Variants in MTREX observed in about 807,000 individuals in gnomAD.
MTREX encodes Mtr4 exosome RNA helicase.
MTREX carries 76 observed loss-of-function variants against 135.4 expected under a neutral mutation model. The observed-to-expected ratio is 0.56, with a 90% CI of 0.47 to 0.68. MTREX has a LOEUF of 0.68. MTREX is among the 30% of genes least tolerant of loss of function. The pLI, the probability that MTREX is intolerant of heterozygous loss-of-function variation, is 0.00. For synonymous variants in MTREX, 404 were observed against 401.6 expected, an observed-to-expected ratio of 1.01 and a Z score of -0.07; for missense variants, 920 against 1,262.1, an observed-to-expected ratio of 0.73 and a Z score of 4.11.
chr5:55,308,139 C>T lies in MTREX; in HGVS notation c.126C>T (p.Asp42=), dbSNP rs761591150. The change falls in exon 1 of 27, where the codon GAC becomes GAT. Residue 42 remains aspartate (D), a synonymous_variant. Transcript: ENST00000230640. Reference sequence around the variant, plus strand: ...GGAAGGGGCCTCCAGGGTCTGCAGACAAGGCAGGGTAAGGAAGAAGTTCCA... The same window carrying T: ...GGAAGGGGCCTCCAGGGTCTGCAGATAAGGCAGGGTAAGGAAGAAGTTCCA... ...GKWKGPPGSA[D]KAGKRFDGKL... 15 of 1,599,472 alleles carry T rather than the reference C, an allele frequency of 9.4e-6. No homozygotes were observed. In the Admixed American group the frequency reaches 2.5e-4, roughly 26 times the overall value.
intron 14 of MTREX, among the ~76,000 whole-genome samples, chr5:55,356,032 T>C (rs1749906780): frequency 6.6e-6 from 1 of 152,218 alleles, no homozygotes; most frequent in Admixed American, 6.5e-5. Flanking sequence ...ACCAGAGCAG[T>C]TTCCCACCAA....
chr5:55,412,410 A>C (rs1750896643), intron 23 of MTREX, among the ~76,000 whole-genome samples: 1 of 152,228 alleles, frequency 6.6e-6, no homozygotes, highest in Non-Finnish European at 1.5e-5. Flanking sequence ...TTTATTAAGC[A>C]CCCAATGTGG....
intron 16 of MTREX, among the ~76,000 whole-genome samples, chr5:55,373,787 G>A (rs1483089990): frequency 6.6e-6 from 1 of 151,812 alleles, no homozygotes; most frequent in Non-Finnish European, 1.5e-5. Context: ...AGGGGTGGGG[G>A]CAGTCTTGGG....
Position 55,344,610 on chromosome 5 carries a change from T to C in MTREX, c.995T>C (p.Val332Ala). Residue 332 changes from valine (V) to alanine (A), a missense_variant, in exon 9 of 27, where the codon GTT becomes GCT. Val to Ala is a moderately conservative substitution (Grantham distance 64). Transcript: ENST00000230640. The part of the protein sequence containing the change: ...PAGGDGLHLV[V>A]DENGDFREDN... ...GGGGGAGATGGCCTGCATCTTGTGG[T>C]TGATGAAAATGTAAGAGAGTAATTG... is the stretch of plus-strand genomic sequence containing the variant. 6.3e-7 allele frequency: 1 copy of C among 1,591,452 alleles called. No individual in the cohort carries two copies. The highest frequency in any genetic ancestry group is 8.6e-7 in the Non-Finnish European group (1 of 1,161,090).
chr5:55,424,509 A>C (rs1751116050), intron 26 of MTREX: 2 of 489,044 alleles, frequency 4.1e-6, no homozygotes, highest in Non-Finnish European at 7.5e-6. Context: ...GGAGTATTTC[A>C]GAGTCAAAAG....
At chr5:55,372,892 ATGTGTGTG>A (rs59026723) in intron 16 of MTREX, among the ~76,000 whole-genome samples, 2,781 of 120,966 alleles carry the variant, frequency 0.023, 56 homozygotes, top group African/African-American at 0.059. Flanking sequence ...TAAAACTGTA[ATGTGTGTG>A]TGTGTGTGTG....
chr5:55,351,946 C>G (rs1749835292), intron 13 of MTREX, among the ~76,000 whole-genome samples: 1 of 151,978 alleles, frequency 6.6e-6, no homozygotes, highest in Admixed American at 6.6e-5. Flanking sequence ...CTCAGCCTCC[C>G]AAGTAGCTGG....
At chr5:55,423,730 TG>T in intron 26 of MTREX, 1 of 151,912 alleles carries the variant, frequency 6.6e-6, no homozygotes. Context: ...GGAGTGGTGG[TG>T]GGGGGGCAAG....
At chr5:55,311,726 T>C (rs549509236) in intron 1 of MTREX, among the ~76,000 whole-genome samples, 1 of 152,334 alleles carries the variant, frequency 6.6e-6, no homozygotes, top group South Asian at 2.1e-4. Flanking sequence ...CACACCAGAA[T>C]TGGAAACGTT....
chr5:55,387,436 G>GA (rs1750496817), intron 18 of MTREX, among the ~76,000 whole-genome samples: 1 of 151,952 alleles, frequency 6.6e-6, no homozygotes, highest in African/African-American at 2.4e-5. Context: ...ATTCTGTACT[G>GA]AAAAAATATC....
intron 26 of MTREX, chr5:55,424,392 G>A (rs141780493): frequency 1.6e-3 from 272 of 171,026 alleles, no homozygotes; most frequent in African/African-American, 6.2e-3. Flanking sequence ...TGATCCGCTC[G>A]CCTTGGCCTC....
intron 22 of MTREX, among the ~76,000 whole-genome samples, chr5:55,406,274 C>G (rs1750803756): frequency 6.6e-6 from 1 of 152,118 alleles, no homozygotes; most frequent in African/African-American, 2.4e-5. Flanking sequence ...GCTCTGTCCC[C>G]CAGGATTGCC....
intron 1 of MTREX, among the ~76,000 whole-genome samples, chr5:55,320,137 C>G (rs1749263704): frequency 6.6e-6 from 1 of 151,746 alleles, no homozygotes; most frequent in South Asian, 2.1e-4. Context: ...TTAGGTTTTG[C>G]TAGGTATCAG....
At chr5:55,339,012 G>A (rs976043199) in intron 5 of MTREX, among the ~76,000 whole-genome samples, 12 of 151,686 alleles carry the variant, frequency 7.9e-5, no homozygotes, top group Non-Finnish European at 1.2e-4. Context: ...GGCTGGTCTC[G>A]AACTCTTGGC....
chr5:55,342,805 C>A (rs923788782), intron 7 of MTREX, among the ~76,000 whole-genome samples: 1 of 151,746 alleles, frequency 6.6e-6, no homozygotes, highest in African/African-American at 2.4e-5. Context: ...AATCAGAAAT[C>A]CTTTGTTGAT....
chr5:55,315,045 G>C (rs1446462691), intron 1 of MTREX, among the ~76,000 whole-genome samples: 1 of 152,210 alleles, frequency 6.6e-6, no homozygotes, highest in African/African-American at 2.4e-5. Flanking sequence ...CCCATTTTAA[G>C]CCACTGGGTT....
intron 15 of MTREX, among the ~76,000 whole-genome samples, chr5:55,359,997 A>ATTCCATGGTTTTTAATATATTCATAGAGT (rs1749982047): frequency 1.3e-5 from 2 of 152,288 alleles, no homozygotes; most frequent in African/African-American, 2.4e-5. Context: ...TTTTTAATAT[A>ATTCCATGGTTTTTAATATATTCATAGAGT]TTCATAGAGT....
At chr5:55,408,866 C>A (rs1370620634) in intron 22 of MTREX, among the ~76,000 whole-genome samples, 7 of 152,260 alleles carry the variant, frequency 4.6e-5, no homozygotes, top group Non-Finnish European at 7.3e-5. Context: ...TAAGCAAAGT[C>A]TCAGACCCTA....
At chr5:55,325,597 A>G (rs946784473) in intron 3 of MTREX, among the ~76,000 whole-genome samples, 4 of 151,320 alleles carry the variant, frequency 2.6e-5, no homozygotes, top group African/African-American at 9.7e-5. Flanking sequence ...TGATCCAGCC[A>G]TCTTGGCCTC....
Sources: allele counts gnomAD v4.1 joint callset (sites outside exome capture counted in the v4.1 genomes callset), GRCh38; gene constraint gnomAD v4.1.1; transcripts MANE v1.5; gene names NCBI Gene and HGNC (gene_info 2026-07-23, HGNC 2026-07-21).